Variants in GPATCH2 observed in about 807,000 individuals in gnomAD.
GPATCH2 encodes the protein G patch domain-containing protein 2.
In GPATCH2, 51 loss-of-function variants were observed where a neutral mutation model predicts 58.0. The observed-to-expected ratio is 0.88, with a 90% CI of 0.70 to 1.11. The LOEUF is 1.11. Ranked by LOEUF, GPATCH2 falls within the 50% of genes most tolerant of loss-of-function variation. The pLI, the probability that GPATCH2 is intolerant of heterozygous loss-of-function variation, is 0.00. For synonymous variants in GPATCH2, 222 were observed against 218.5 expected (o/e 1.02, Z -0.14); for missense variants, 625 against 652.2 (o/e 0.96, Z 0.45).
chr1:217,571,991 A>G (rs1021924879), intron 5 of GPATCH2, among the ~76,000 whole-genome samples: 8 of 135,820 alleles, frequency 5.9e-5, no homozygotes, highest in African/African-American at 1.8e-4. Flanking sequence ...GAAGGAAGGA[A>G]GGAAGGAAAG....
At chr1:217,567,248 G>A (rs1412481022) in intron 5 of GPATCH2, among the ~76,000 whole-genome samples, 1 of 151,952 alleles carries the variant, frequency 6.6e-6, no homozygotes, top group African/African-American at 2.4e-5. Flanking sequence ...GTTTCTCCAC[G>A]TTGGTCAGAC....
chr1:217,504,364 T>A (rs1229346057), intron 6 of GPATCH2, among the ~76,000 whole-genome samples: 1 of 152,136 alleles, frequency 6.6e-6, no homozygotes, highest in East Asian at 1.9e-4. Context: ...AATCCCAATG[T>A]CTCTGCCGAT....
chr1:217,512,832 A>G (rs1662920287), intron 6 of GPATCH2, among the ~76,000 whole-genome samples: 3 of 152,224 alleles, frequency 2.0e-5, no homozygotes, highest in Admixed American at 1.3e-4. Flanking sequence ...AGTACCCTGT[A>G]AGGCATCTGC....
intron 2 of GPATCH2, among the ~76,000 whole-genome samples, chr1:217,618,869 A>T (rs1669034193): frequency 6.6e-6 from 1 of 151,934 alleles, no homozygotes; most frequent in South Asian, 2.1e-4. Context: ...AGGCTGAGGC[A>T]GGAGAATCAC....
intron 8 of GPATCH2, among the ~76,000 whole-genome samples, chr1:217,480,543 G>A (rs1241217041): frequency 6.6e-6 from 1 of 152,130 alleles, no homozygotes; most frequent in African/African-American, 2.4e-5. Flanking sequence ...TTGTTGGCAG[G>A]AAAGTAAATT....
chr1:217,576,360 C>T (rs553437666), intron 5 of GPATCH2, among the ~76,000 whole-genome samples: 1 of 152,030 alleles, frequency 6.6e-6, no homozygotes, highest in South Asian at 2.1e-4. Context: ...GTTTCATTAC[C>T]ACAAAGTTTA....
intron 5 of GPATCH2, among the ~76,000 whole-genome samples, chr1:217,523,229 T>C (rs1044784029): frequency 6.6e-6 from 1 of 151,582 alleles, no homozygotes; most frequent in African/African-American, 2.4e-5. Flanking sequence ...AGAGGGGGAT[T>C]TGGCAGGGTC....
chr1:217,449,719 C>T (rs1289139188), intron 8 of GPATCH2, among the ~76,000 whole-genome samples: 1 of 152,098 alleles, frequency 6.6e-6, no homozygotes, highest in Non-Finnish European at 1.5e-5. Flanking sequence ...ACTGTCAGAA[C>T]AACATTTATT....
chr1:217,526,113 T>G (rs929730040), intron 5 of GPATCH2, among the ~76,000 whole-genome samples: 2 of 152,142 alleles, frequency 1.3e-5, no homozygotes, highest in Admixed American at 6.5e-5. Context: ...AACCTTAATT[T>G]ACATCAGGGG....
intron 8 of GPATCH2, among the ~76,000 whole-genome samples, chr1:217,462,998 G>C (rs1228284650): frequency 6.6e-6 from 1 of 152,122 alleles, no homozygotes; most frequent in East Asian, 1.9e-4. Context: ...AGAAATGTGT[G>C]CCTCACAGTA....
chr1:217,529,933 A>G (rs921372454), intron 5 of GPATCH2, among the ~76,000 whole-genome samples: 3 of 152,240 alleles, frequency 2.0e-5, no homozygotes, highest in African/African-American at 7.2e-5. Context: ...TGTATCCACA[A>G]GTAGTAAAGT....
Position 217,489,300 on chromosome 1 carries a change from G to C in GPATCH2, c.1277+2380C>G, listed in dbSNP as rs114814149. Among the ~76,000 whole-genome samples, 624 of 151,744 alleles carry C rather than the reference G, an allele frequency of 4.1e-3. 5 individuals carry two copies. The highest frequency in any genetic ancestry group is 0.014 in the African/African-American group (580 of 41,368). On this transcript the variant is annotated intron_variant, in intron 8 of 9. Transcript: ENST00000366935. Reference sequence around the variant, plus strand: ...TTAATTACATTTCCCCCTTCCACTGGTTTGGCAATTATATACTCTCTTTCT... The same window carrying C: ...TTAATTACATTTCCCCCTTCCACTGCTTTGGCAATTATATACTCTCTTTCT...
At chr1:217,534,044 C>G (rs1239594753) in intron 5 of GPATCH2, among the ~76,000 whole-genome samples, 1 of 151,916 alleles carries the variant, frequency 6.6e-6, no homozygotes, top group South Asian at 2.1e-4. Context: ...GATGAAACCC[C>G]ACCTCTACTA....
At chr1:217,536,648 C>T (rs750375748) in intron 5 of GPATCH2, among the ~76,000 whole-genome samples, 7 of 152,088 alleles carry the variant, frequency 4.6e-5, no homozygotes, top group Non-Finnish European at 7.4e-5. Flanking sequence ...TACAAGTACA[C>T]TAAATCTGTA....
At chr1:217,525,072 A>G (rs1287098400) in intron 5 of GPATCH2, among the ~76,000 whole-genome samples, 1 of 151,196 alleles carries the variant, frequency 6.6e-6, no homozygotes, top group Non-Finnish European at 1.5e-5. Context: ...TACCCAATCT[A>G]TTTACCTAAA....
chr1:217,520,001 A>G (rs1291555162), intron 5 of GPATCH2, among the ~76,000 whole-genome samples: 2 of 152,170 alleles, frequency 1.3e-5, no homozygotes, highest in Non-Finnish European at 2.9e-5. Context: ...AACATGAAAA[A>G]TATTAGTAAA....
chr1:217,493,036 G>A (rs1040153380), intron 7 of GPATCH2, among the ~76,000 whole-genome samples: 5 of 152,226 alleles, frequency 3.3e-5, no homozygotes, highest in African/African-American at 7.2e-5. Context: ...TTTCAGGAAC[G>A]TCTGAACTAA....
intron 8 of GPATCH2, among the ~76,000 whole-genome samples, chr1:217,469,990 C>A (rs1660645867): frequency 6.6e-6 from 1 of 152,172 alleles, no homozygotes; most frequent in Non-Finnish European, 1.5e-5. Flanking sequence ...ATTGGATTAA[C>A]AGATCCCCAA....
intron 8 of GPATCH2, among the ~76,000 whole-genome samples, chr1:217,459,259 A>G (rs549515247): frequency 2.6e-4 from 39 of 152,354 alleles, no homozygotes; most frequent in Admixed American, 1.9e-3. Context: ...CAAGGAGTTC[A>G]TAACCTAATG....
Sources: gnomAD v4.1 joint callset for allele counts (sites outside exome capture counted in the v4.1 genomes callset) on GRCh38, gnomAD v4.1.1 for gene constraint, MANE v1.5 for transcripts, NCBI Gene and HGNC (gene_info 2026-07-23, HGNC 2026-07-21) for gene names.